ARID1A: variants seen among roughly 807,000 people sequenced by gnomAD.
ARID1A encodes the protein AT-rich interactive domain-containing protein 1A.
A neutral mutation model predicts 212.6 loss-of-function variants in ARID1A; 20 were observed. The ratio of observed to expected loss-of-function variants is 0.09; its 90% CI spans 0.07 to 0.14. The LOEUF (loss-of-function observed/expected upper bound fraction) is 0.14. Among genes scored for constraint, ARID1A ranks in the 10% least tolerant of loss-of-function variants. The probability of loss-of-function intolerance (pLI) is 1.00; values close to 1 mark genes in which losing one functional copy is unlikely to be tolerated. For missense variants in ARID1A, 2,587 were observed against 3,059.0 expected, an observed-to-expected ratio of 0.85 and a Z score of 3.64; for synonymous variants, 1,376 against 1,222.1, an observed-to-expected ratio of 1.13 and a Z score of -2.63.
rs2080267928 is a variant in ARID1A, at chr1:26,696,854, G to C, written c.451G>C (p.Gly151Arg). 3.0e-6 allele frequency: 4 copies of C among 1,341,832 alleles called. No individual in the cohort carries two copies. The highest frequency in any genetic ancestry group is 3.8e-6 in the Non-Finnish European group (4 of 1,047,662). The allele number at this position is 1,341,832 out of a possible 1,614,324, so 83.1% of individuals were successfully genotyped here. ...CTTGCCGCCCCCAGCCTACGGCTTCGGGCAACCCTACGGCCGGAGCCCGTC... is the reference window on the plus strand; with the variant it reads ...CTTGCCGCCCCCAGCCTACGGCTTCCGGCAACCCTACGGCCGGAGCCCGTC... Reference protein sequence around the residue: ...AALPPPAYGFGQPYGRSPSAV... With the variant: ...AALPPPAYGFRQPYGRSPSAV... The change falls in exon 1 of 20, where the codon GGG becomes CGG. Residue 151 changes from glycine to arginine, a missense_variant. By Grantham distance (125) the Gly-to-Arg change is moderately radical (BLOSUM62 -2). Coordinates refer to ENST00000324856, the MANE Select transcript of ARID1A (RefSeq NM_006015.6).
intron 1 of ARID1A, among the ~76,000 whole-genome samples, chr1:26,715,490 G>A (rs920916662): frequency 6.6e-6 from 1 of 152,202 alleles, no homozygotes; most frequent in South Asian, 2.1e-4. Context: ...TGGTCTGTGG[G>A]AGGAAGTACC....
chr1:26,758,895 C>T (rs11582289), intron 4 of ARID1A, among the ~76,000 whole-genome samples: 2 of 152,262 alleles, frequency 1.3e-5, no homozygotes, highest in Non-Finnish European at 2.9e-5. Flanking sequence ...TGGACACAGG[C>T]ACAAATGCAC....
chr1:26,775,795 T>G (rs1368789070), intron 19 of ARID1A, 88 bp downstream of exon 19: 2 of 1,569,760 alleles, frequency 1.3e-6, no homozygotes, highest in Non-Finnish European at 8.7e-7. Context: ...GCCACCTTGG[T>G]CTTTCTCTTT....
intron 6 of ARID1A, among the ~76,000 whole-genome samples, chr1:26,761,783 A>G (rs1443698472): frequency 6.6e-6 from 1 of 152,146 alleles, no homozygotes; most frequent in Admixed American, 6.5e-5. Flanking sequence ...GGCCGTGTTA[A>G]TGTCTCCATT....
At position 26,709,794 on chromosome 1, in the gene ARID1A, A is replaced by G. The variant is rs1282299787; in HGVS notation, c.1137+12254A>G. ...CAGCCTCCCAAGTAGCTGAGCTACAAGCACATGTCACTATGCCAGCTATCA... is the reference window on the plus strand; with the variant it reads ...CAGCCTCCCAAGTAGCTGAGCTACAGGCACATGTCACTATGCCAGCTATCA... On this transcript the variant is annotated intron_variant, in intron 1 of 19. Coordinates refer to ENST00000324856, the MANE Select transcript of ARID1A (RefSeq NM_006015.6). Among the ~76,000 whole-genome samples the G allele has an allele frequency of 1.1e-4, 17 of 151,512 alleles. 1 individual carries two copies. Among genetic ancestry groups the G allele is most frequent in the Admixed American group, 1.1e-3 (17 of 15,244 alleles).
rs764556085 is a variant in ARID1A, at chr1:26,696,900, C to A, written c.497C>A (p.Ala166Asp). The A allele has an allele frequency of 7.3e-7, 1 of 1,376,134 alleles. No homozygotes were observed. 85.2% of individuals were successfully genotyped at this position (1,376,134 alleles called of 1,614,324 possible). ...RSPSAVAAAA[A>D]AVFHQQHGGQ... Reference sequence around the variant, plus strand: ...CCGTCTGCCGTCGCCGCCGCCGCGGCCGCCGTCTTCCACCAACAACATGGC... The same window carrying A: ...CCGTCTGCCGTCGCCGCCGCCGCGGACGCCGTCTTCCACCAACAACATGGC... Residue 166 changes from alanine (A) to aspartate (D), a missense_variant, in exon 1 of 20, where the codon GCC becomes GAC. By Grantham distance (126) the Ala-to-Asp change is moderately radical (BLOSUM62 -2). This residue lies in a region of ARID1A where 735 missense variants were observed against 590.6 expected (regional missense o/e 1.24). Coordinates refer to ENST00000324856, the MANE Select transcript of ARID1A (RefSeq NM_006015.6).
chr1:26,705,122 C>T (rs1027397776), intron 1 of ARID1A, among the ~76,000 whole-genome samples: 1 of 151,896 alleles, frequency 6.6e-6, no homozygotes, highest in African/African-American at 2.4e-5. Context: ...TACACTGCTC[C>T]AGTACAGAAG....
At chr1:26,736,963 A>C (rs1311626227) in intron 4 of ARID1A, among the ~76,000 whole-genome samples, 2 of 152,018 alleles carry the variant, frequency 1.3e-5, no homozygotes. Context: ...TATAAAGAAC[A>C]GTTCAGTACC....
At chr1:26,762,818 T>TC (rs893699249) in intron 7 of ARID1A, among the ~76,000 whole-genome samples, 155 bp from the exon 8 acceptor site, 4 of 152,132 alleles carry the variant, frequency 2.6e-5, no homozygotes, top group African/African-American at 9.7e-5. Context: ...GCTTCTGGAA[T>TC]CCCCCCCTTT....
intron 4 of ARID1A, among the ~76,000 whole-genome samples, chr1:26,734,272 C>G (rs1258663835): frequency 6.6e-6 from 1 of 151,436 alleles, no homozygotes; most frequent in Non-Finnish European, 1.5e-5. Context: ...TCTGTCAGTG[C>G]TGTAAGTTGC....
chr1:26,746,937 G>A (rs1250993945), intron 4 of ARID1A, among the ~76,000 whole-genome samples: 1 of 152,124 alleles, frequency 6.6e-6, no homozygotes, highest in Non-Finnish European at 1.5e-5. Context: ...GGAGGCTGAG[G>A]CTGAGGCAGG....
rs2081174930 is a variant in ARID1A at position 26,779,865 on chromosome 1, A to G, written c.5967A>G (p.Arg1989=). The change falls in exon 20 of 20, where the codon CGA becomes CGG. Residue 1989 remains arginine (R), a synonymous_variant. Transcript: ENST00000324856. ...KRCVCVSNTI[R]SLSFVPGNDF... Reference sequence around the variant, plus strand: ...GCGTCTGTGTGTCCAATACCATTCGAAGCCTGTCATTTGTGCCAGGCAATG... The same window carrying G: ...GCGTCTGTGTGTCCAATACCATTCGGAGCCTGTCATTTGTGCCAGGCAATG... 1 of 1,614,106 alleles carries G rather than the reference A, an allele frequency of 6.2e-7. No homozygotes were observed. Among genetic ancestry groups the G allele is most frequent in the Non-Finnish European group, 8.5e-7 (1 of 1,180,010 alleles).
chr1:26,761,261 T>G (rs2080989545), intron 5 of ARID1A, 123 bp from the exon 6 acceptor site: 4 of 1,448,464 alleles, frequency 2.8e-6, no homozygotes, highest in South Asian at 1.3e-5. Context: ...CTGGATCTCT[T>G]TGTGTGTGAT....
intron 1 of ARID1A, among the ~76,000 whole-genome samples, chr1:26,719,032 T>TG (rs1161744473): frequency 1.3e-5 from 2 of 152,076 alleles, no homozygotes; most frequent in Admixed American, 6.5e-5. Flanking sequence ...TCAAGGATAA[T>TG]GGGGGGTACT....
chr1:26,761,123 A>G, intron 5 of ARID1A, 27 bp downstream of exon 5: 3 of 1,609,468 alleles, frequency 1.9e-6, no homozygotes, highest in Non-Finnish European at 2.5e-6. Flanking sequence ...GGCTTTAGGG[A>G]GAGGGAAAGG....
chr1:26,767,729 G>A (rs2124085385), intron 10 of ARID1A, 61 bp from the exon 11 acceptor site: 11 of 1,464,736 alleles, frequency 7.5e-6, no homozygotes, highest in Non-Finnish European at 1.0e-5. Context: ...AGACTTCTGA[G>A]ACCCTTAGCA....
chr1:26,717,360 C>G (rs1418750311), intron 1 of ARID1A, among the ~76,000 whole-genome samples: 4 of 152,198 alleles, frequency 2.6e-5, no homozygotes, highest in Non-Finnish European at 4.4e-5. Flanking sequence ...ACCATTTGAA[C>G]TGTTTTGTAT....
intron 4 of ARID1A, among the ~76,000 whole-genome samples, chr1:26,755,731 G>T (rs766412790): frequency 6.6e-6 from 1 of 151,898 alleles, no homozygotes; most frequent in Non-Finnish European, 1.5e-5. Flanking sequence ...GGAGTGGTTG[G>T]TGGGTTTTGG....
At chr1:26,743,241 TA>T (rs1165836110) in intron 4 of ARID1A, among the ~76,000 whole-genome samples, 2 of 152,296 alleles carry the variant, frequency 1.3e-5, no homozygotes, top group Non-Finnish European at 2.9e-5. Flanking sequence ...GATTAGGATG[TA>T]TACCTGTTTC....
Sources: allele counts gnomAD v4.1 joint callset (sites outside exome capture counted in the v4.1 genomes callset), GRCh38; gene constraint gnomAD v4.1.1; regional missense constraint gnomAD v4.1.1; transcripts MANE v1.5; gene names NCBI Gene and HGNC (gene_info 2026-07-23, HGNC 2026-07-21).